GABRB1: variants seen among roughly 807,000 people sequenced by gnomAD.
GABRB1 encodes the protein gamma-aminobutyric acid type A receptor subunit beta1, also known as gamma-aminobutyric acid receptor subunit beta-1.
Under a neutral mutation model 51.6 loss-of-function variants are expected in GABRB1, and 17 were observed. The ratio of observed to expected loss-of-function variants is 0.33; its 90% confidence interval spans 0.23 to 0.49. The LOEUF (loss-of-function observed/expected upper bound fraction) is 0.49, where lower values mean the gene tolerates loss of function less well. GABRB1 is among the 20% of genes least tolerant of loss of function. The probability of loss-of-function intolerance (pLI) is 0.99; values close to 1 mark genes in which losing one functional copy is unlikely to be tolerated. For synonymous variants in GABRB1, 247 were observed against 218.9 expected, an observed-to-expected ratio of 1.13 and a Z score of -1.14; for missense variants, 410 against 600.6, an observed-to-expected ratio of 0.68 and a Z score of 3.32.
intron 3 of GABRB1, among the ~76,000 whole-genome samples, chr4:47,062,300 CTTT>C (rs76714501): frequency 2.2e-5 from 3 of 136,792 alleles, no homozygotes; most frequent in African/African-American, 2.7e-5. Context: ...GAAGCAATGT[CTTT>C]TTTTTTTTTT....
At chr4:47,319,062 G>A (rs1222312953) in intron 4 of GABRB1, among the ~76,000 whole-genome samples, 1 of 152,002 alleles carries the variant, frequency 6.6e-6, no homozygotes, top group African/African-American at 2.4e-5. Context: ...ATTTGCTTCT[G>A]TATTAATAAA....
intron 8 of GABRB1, among the ~76,000 whole-genome samples, chr4:47,414,765 A>C (rs1728860557): frequency 6.6e-6 from 1 of 152,204 alleles, no homozygotes; most frequent in South Asian, 2.1e-4. Flanking sequence ...AACTTTCTAA[A>C]TGTAAATCAG....
Position 47,244,934 on chromosome 4 carries a change from A to G in GABRB1, c.462-75193A>G, listed in dbSNP as rs894186734. On this transcript the variant is annotated intron_variant, in intron 4 of 8. Coordinates refer to ENST00000295454, the MANE Select transcript of GABRB1 (RefSeq NM_000812.4). ...ACACCCTAACATTACAATTAAAACA[A>G]CTAGAGAAGCAAGAGCAAACGCATT... Among the ~76,000 whole-genome samples the G allele has an allele frequency of 2.6e-4, 39 of 152,188 alleles. 1 individual carries two copies. Among genetic ancestry groups the G allele is most frequent in the Admixed American group, 2.6e-3 (39 of 15,282 alleles).
chr4:46,995,661 A>G (rs1203932881), intron 1 of GABRB1, among the ~76,000 whole-genome samples: 1 of 152,128 alleles, frequency 6.6e-6, no homozygotes, highest in African/African-American at 2.4e-5. Context: ...ACCGCCTTAC[A>G]TTTGTAAGCC....
intron 3 of GABRB1, among the ~76,000 whole-genome samples, chr4:47,069,784 C>T (rs1250823662): frequency 6.6e-6 from 1 of 151,990 alleles, no homozygotes; most frequent in Admixed American, 6.6e-5. Flanking sequence ...CAAATATAGT[C>T]CTATTTCTCT....
intron 3 of GABRB1, among the ~76,000 whole-genome samples, chr4:47,122,244 T>C (rs1715809220): frequency 6.6e-6 from 1 of 152,198 alleles, no homozygotes; most frequent in South Asian, 2.1e-4. Context: ...GAGGTTTAAA[T>C]TTTTAGTTGA....
intron 5 of GABRB1, among the ~76,000 whole-genome samples, chr4:47,363,393 G>A (rs370054438): frequency 3.3e-5 from 5 of 151,958 alleles, no homozygotes; most frequent in South Asian, 2.1e-4. Context: ...TGTATGTGTC[G>A]GTTATGGGGG....
intron 1 of GABRB1, among the ~76,000 whole-genome samples, chr4:47,013,671 C>A (rs1233352967): frequency 6.6e-6 from 1 of 152,162 alleles, no homozygotes; most frequent in Non-Finnish European, 1.5e-5. Context: ...ATTGTTCATT[C>A]TTTTATTGAC....
At chr4:47,061,516 T>C (rs1726843341) in intron 3 of GABRB1, among the ~76,000 whole-genome samples, 1 of 152,218 alleles carries the variant, frequency 6.6e-6, no homozygotes. Flanking sequence ...TTGGCTTCCC[T>C]AGTAAATCCT....
chr4:47,372,507 T>G (rs955860668), intron 5 of GABRB1, among the ~76,000 whole-genome samples: 4 of 152,188 alleles, frequency 2.6e-5, no homozygotes, highest in African/African-American at 9.6e-5. Flanking sequence ...TTTTTGGCCA[T>G]TTTCGGTTAT....
rs200916587 is a variant in GABRB1, at chr4:47,076,647, A to AAAAAC, written c.240+44188_240+44192dup. 9.5e-3 allele frequency among the ~76,000 whole-genome samples: 1,428 copies of AAAAAC among 150,888 alleles called. 24 individuals carry two copies. Among genetic ancestry groups the AAAAAC allele is most frequent in the African/African-American group, 0.032 (1,281 of 40,288 alleles). ...TGACAGCCAGCAGCCGATTACATGG[A>AAAAAC]AAAACAAAACAAAACAAAACAAAAC... On this transcript the variant is annotated intron_variant, in intron 3 of 8. Coordinates refer to ENST00000295454, the MANE Select transcript of GABRB1 (RefSeq NM_000812.4).
intron 4 of GABRB1, among the ~76,000 whole-genome samples, chr4:47,260,183 A>T (rs1333421558): frequency 6.6e-6 from 1 of 151,866 alleles, no homozygotes; most frequent in African/African-American, 2.4e-5. Context: ...TCCTTGGTAG[A>T]TCTTCCTCCA....
intron 4 of GABRB1, among the ~76,000 whole-genome samples, chr4:47,274,387 G>A (rs1232333000): frequency 3.3e-5 from 5 of 152,032 alleles, no homozygotes; most frequent in African/African-American, 9.7e-5. Context: ...TAGACTTGAG[G>A]CCCGTTATTA....
intron 5 of GABRB1, among the ~76,000 whole-genome samples, chr4:47,332,933 T>C (rs558814938): frequency 6.6e-6 from 1 of 151,780 alleles, no homozygotes; most frequent in African/African-American, 2.4e-5. Context: ...GAAGGCTCCA[T>C]TTTTTCTCTC....
chr4:47,213,421 GCTCTCTCTCTCTCTCA>G (rs1049223594), intron 4 of GABRB1, among the ~76,000 whole-genome samples: 12 of 148,310 alleles, frequency 8.1e-5, no homozygotes, highest in South Asian at 2.2e-4. Flanking sequence ...TTTCACATTC[GCTCTCTCTCTCTCTCA>G]CTCTCTCTCT....
intron 4 of GABRB1, among the ~76,000 whole-genome samples, chr4:47,279,545 A>G (rs943237264): frequency 4.6e-5 from 7 of 152,004 alleles, no homozygotes; most frequent in Non-Finnish European, 2.9e-5. Flanking sequence ...TTCCATCCCC[A>G]TTTCTTACAT....
At chr4:47,091,121 T>C (rs1408966517) in intron 3 of GABRB1, among the ~76,000 whole-genome samples, 2 of 148,500 alleles carry the variant, frequency 1.3e-5, no homozygotes, top group African/African-American at 2.5e-5. Flanking sequence ...AGAAGAGGGC[T>C]GTTTGCTACC....
rs1221066871 is a variant in GABRB1, at chr4:47,259,825, GC to G, written c.462-60301del. On this transcript the variant is annotated intron_variant, in intron 4 of 8. Coordinates refer to ENST00000295454, the MANE Select transcript of GABRB1 (RefSeq NM_000812.4). ...CATTTCTCTAGTATTCTCAACCCTA[GC>G]TTTTACCAAACCTCATGAAGAAGCT... 3.3e-5 allele frequency among the ~76,000 whole-genome samples: 5 copies of G among 152,042 alleles called. No individual in the cohort carries two copies. In the South Asian group the frequency reaches 8.3e-4, roughly 25 times the overall value.
intron 1 of GABRB1, among the ~76,000 whole-genome samples, chr4:47,025,881 G>T (rs557268496): frequency 2.6e-5 from 4 of 151,290 alleles, no homozygotes; most frequent in East Asian, 3.9e-4. Context: ...TACTACTTCC[G>T]TTTTTTTTGT....
Sources: gnomAD v4.1 joint callset for allele counts (sites outside exome capture counted in the v4.1 genomes callset) on GRCh38, gnomAD v4.1.1 for gene constraint, MANE v1.5 for transcripts, NCBI Gene and HGNC (gene_info 2026-07-23, HGNC 2026-07-21) for gene names.